PNPLA7: variants seen among roughly 807,000 people sequenced by gnomAD.
PNPLA7 encodes patatin like domain 7, lysophospholipase, also known as patatin-like phospholipase domain-containing protein 7.
A neutral mutation model predicts 161.7 loss-of-function variants in PNPLA7; 153 were observed. The observed-to-expected ratio is 0.95, with a 90% CI of 0.83 to 1.08. The LOEUF (loss-of-function observed/expected upper bound fraction) is 1.08, where lower values mean the gene tolerates loss of function less well. Among genes scored for constraint, PNPLA7 ranks in the 50% least tolerant of loss-of-function variants. The probability of loss-of-function intolerance (pLI) is 0.00; values close to 1 mark genes in which losing one functional copy is unlikely to be tolerated. For synonymous variants in PNPLA7, 809 were observed against 782.1 expected (o/e 1.03, Z -0.57); for missense variants, 1,739 against 1,856.6 (o/e 0.94, Z 1.16).
chr9:137,475,730 A>G (rs1365686207), intron 25 of PNPLA7, among the ~76,000 whole-genome samples: 1 of 151,284 alleles, frequency 6.6e-6, no homozygotes. Flanking sequence ...CAGAAGAAAA[A>G]ACGGCCCTGT....
At chr9:137,529,977 T>C (rs1334845042) in intron 8 of PNPLA7, among the ~76,000 whole-genome samples, 2 of 150,502 alleles carry the variant, frequency 1.3e-5, no homozygotes, top group African/African-American at 4.9e-5. Context: ...GAATTTTTTT[T>C]TTCCTGAGAT....
Position 137,543,335 on chromosome 9 carries a change from C to T in PNPLA7, c.506+97G>A. 1 of 1,494,032 alleles carries T rather than the reference C, an allele frequency of 6.7e-7. No homozygotes were observed. The highest frequency in any genetic ancestry group is 9.2e-7 in the Non-Finnish European group (1 of 1,085,006). The allele number at this position is 1,494,032 out of a possible 1,614,324, so 92.5% of individuals were successfully genotyped here. On this transcript the variant is annotated intron_variant, in intron 6 of 34. Transcript: ENST00000406427. This position sits in a 1 kb window ranked among gnomAD's most constrained non-coding sequence, Gnocchi z 6.9. ...CCCACGATGCGCTTTGCCAACCATT[C>T]CCCCAACACAAGACGGCCAAGCTGG... is the stretch of plus-strand genomic sequence containing the variant.
intron 12 of PNPLA7, among the ~76,000 whole-genome samples, chr9:137,513,207 T>C (rs1305841936): frequency 6.6e-6 from 1 of 152,016 alleles, no homozygotes. Context: ...AAATAGTCTT[T>C]GAGGCCGGGT....
chr9:137,476,205 G>A lies in PNPLA7; in HGVS notation c.2882+1829C>T, dbSNP rs1203227351. ...GGTATGTCCGAACATACCGAGAGGAGGTTAATGCCTGCCTCAGTGTCTTCG... is the reference window on the plus strand; with the variant it reads ...GGTATGTCCGAACATACCGAGAGGAAGTTAATGCCTGCCTCAGTGTCTTCG... On this transcript the variant is annotated intron_variant, in intron 25 of 34. Transcript: ENST00000406427. This position sits in a 1 kb window ranked among gnomAD's most constrained non-coding sequence, Gnocchi z 4.5. Among the ~76,000 whole-genome samples, 1 of 152,166 alleles carries A rather than the reference G, an allele frequency of 6.6e-6. No individual in the cohort carries two copies. The highest frequency in any genetic ancestry group is 1.5e-5 in the Non-Finnish European group (1 of 68,038).
intron 12 of PNPLA7, among the ~76,000 whole-genome samples, chr9:137,510,226 C>T (rs1029343937): frequency 6.6e-6 from 1 of 152,102 alleles, no homozygotes. Context: ...TTAGAGAAGA[C>T]TCTGCTCCTC....
At chr9:137,504,191 A>AGAAGAG (rs1226749534) in intron 14 of PNPLA7, among the ~76,000 whole-genome samples, 1 of 114,882 alleles carries the variant, frequency 8.7e-6, no homozygotes, top group Non-Finnish European at 1.8e-5. Flanking sequence ...AGAAGGAAGA[A>AGAAGAG]GAAGAGGAAG....
At chr9:137,465,903 C>T (rs1831440075) in intron 26 of PNPLA7, among the ~76,000 whole-genome samples, 1 of 152,180 alleles carries the variant, frequency 6.6e-6, no homozygotes, top group African/African-American at 2.4e-5. Context: ...GGCTGCCTCC[C>T]TCTGCTGCCC....
In PNPLA7 at chr9:137,543,133, A is replaced by C. The variant is rs1420421671; in HGVS notation, c.506+299T>G. Reference sequence around the variant, plus strand: ...CAGTCCAGGGGCCAGGCAGCAAGACAGGAGCACAGAGCAGAACCCAGGCTC... The same window carrying C: ...CAGTCCAGGGGCCAGGCAGCAAGACCGGAGCACAGAGCAGAACCCAGGCTC... On this transcript the variant is annotated intron_variant, in intron 6 of 34. Transcript: ENST00000406427. This position sits in a 1 kb window ranked among gnomAD's most constrained non-coding sequence, Gnocchi z 6.9. Among the ~76,000 whole-genome samples, 5 of 152,316 alleles carry C rather than the reference A, an allele frequency of 3.3e-5. No homozygotes were observed. The East Asian group carries it at 9.6e-4, about 29-fold the overall frequency.
intron 12 of PNPLA7, among the ~76,000 whole-genome samples, chr9:137,507,496 C>G (rs1564330953): frequency 6.6e-6 from 1 of 152,064 alleles, no homozygotes; most frequent in African/African-American, 2.4e-5. Context: ...ATGGAGAAAC[C>G]CTGTCTCCAC....
chr9:137,471,583 G>A lies in PNPLA7; in HGVS notation c.2883-4110C>T, dbSNP rs535062537. Among the ~76,000 whole-genome samples the A allele has an allele frequency of 1.0e-4, 14 of 138,484 alleles. 1 individual carries two copies. The highest frequency in any genetic ancestry group is 3.9e-4 in the African/African-American group (14 of 35,622). The allele number at this position is 138,484 out of a possible 152,430, so 90.9% of individuals were successfully genotyped here. On this transcript the variant is annotated intron_variant, in intron 25 of 34. Transcript: ENST00000406427. ...ACTGCACTCCAGCCTGGGTAACAGA[G>A]CAAGACTCCGTCTCAAAAAAAAAAA...
chr9:137,500,646 G>T lies in PNPLA7; in HGVS notation c.1757+45C>A. 6.3e-7 allele frequency: 1 copy of T among 1,577,028 alleles called. No homozygotes were observed. The highest frequency in any genetic ancestry group is 8.7e-7 in the Non-Finnish European group (1 of 1,153,340). Reference sequence around the variant, plus strand: ...CCACGCGGGGAGGGGTCTCAGGGCAGGGGGGGCTGGGGCCCGCCCTGAGGT... The same window carrying T: ...CCACGCGGGGAGGGGTCTCAGGGCATGGGGGGCTGGGGCCCGCCCTGAGGT... On this transcript the variant is annotated intron_variant, in intron 16 of 34. Transcript: ENST00000406427. The surrounding 1 kb of genome is among the most constrained non-coding windows in gnomAD (Gnocchi z 5.5).
chr9:137,495,963 G>A (rs1391120585), intron 18 of PNPLA7, among the ~76,000 whole-genome samples: 1 of 152,178 alleles, frequency 6.6e-6, no homozygotes, highest in Non-Finnish European at 1.5e-5. Flanking sequence ...TGGCAGAGCT[G>A]AGGCGAGGCG....
Position 137,541,477 on chromosome 9 carries a change from C to T in PNPLA7, c.667-755G>A, listed in dbSNP as rs561318392. 1.1e-5 allele frequency: 11 copies of T among 985,464 alleles called. No homozygotes were observed. The highest frequency in any genetic ancestry group is 1.1e-4 in the East Asian group (1 of 8,818). The allele number at this position is 985,464 out of a possible 1,614,324, so 61.0% of individuals were successfully genotyped here. A position where few individuals can be genotyped will look rare whatever the true frequency, so the allele number is the denominator to read the frequency against. The stretch of plus-strand genomic sequence containing the variant: ...GTCTAGAAACCCCGACAGGCAGTGC[C>T]GGAGCTGGCGTGGGATCACAGCCCA... On this transcript the variant is annotated intron_variant, in intron 7 of 34. Coordinates refer to ENST00000406427, the MANE Select transcript of PNPLA7 (RefSeq NM_001098537.3). The surrounding 1 kb of genome is among the most constrained non-coding windows in gnomAD (Gnocchi z 4.4).
intron 11 of PNPLA7, among the ~76,000 whole-genome samples, chr9:137,519,662 A>ATGTGAGGTGACCTGGGGCACG (rs1175535623): frequency 7.1e-6 from 1 of 141,180 alleles, no homozygotes; most frequent in Non-Finnish European, 1.5e-5. Flanking sequence ...CCTGGGGGGC[A>ATGTGAGGTGACCTGGGGCACG]TGTGAGGTGA....
At chr9:137,506,170 T>C in intron 12 of PNPLA7, 87 bp from the exon 13 acceptor site, 1 of 1,123,768 alleles carries the variant, frequency 8.9e-7, no homozygotes, top group Non-Finnish European at 1.3e-6. Flanking sequence ...CCCTGCAGTC[T>C]AACCACACAG....
Position 137,544,105 on chromosome 9 carries a change from C to T in PNPLA7, c.274-290G>A, listed in dbSNP as rs374068359. Among the ~76,000 whole-genome samples, 57 of 152,332 alleles carry T rather than the reference C, an allele frequency of 3.7e-4. No homozygotes were observed. In the East Asian group the frequency reaches 9.5e-3, roughly 25 times the overall value. On this transcript the variant is annotated intron_variant, in intron 4 of 34. Coordinates refer to ENST00000406427, the MANE Select transcript of PNPLA7 (RefSeq NM_001098537.3). ...CCCCGCTGCCCCGAAGGCTGACACC[C>T]GCTCCATCTTTGGCTCTCATACTGG...
intron 14 of PNPLA7, among the ~76,000 whole-genome samples, chr9:137,504,551 G>C (rs766786361): frequency 6.6e-6 from 1 of 152,222 alleles, no homozygotes; most frequent in Non-Finnish European, 1.5e-5. Flanking sequence ...CCACTGCAGT[G>C]TATGGCCCTT....
chr9:137,463,188 A>G, intron 29 of PNPLA7: 2 of 592,050 alleles, frequency 3.4e-6, no homozygotes, highest in Non-Finnish European at 6.0e-6. Context: ...GCTGACAAAC[A>G]GGGCCATATG....
chr9:137,463,510 C>T lies in PNPLA7; in HGVS notation c.3248G>A (p.Arg1083His), dbSNP rs553960639. Reference sequence around the variant, plus strand: ...GTAACCGGACAGGGACATGCTGGCACGCACGTACCACCACAGGGAGCCTGG... The same window carrying T: ...GTAACCGGACAGGGACATGCTGGCATGCACGTACCACCACAGGGAGCCTGG... ...HTDGSLWWYV[R>H]ASMSLSGYMP... The change falls in exon 29 of 35, where the codon CGT becomes CAT. Residue 1083 changes from arginine (R) to histidine (H), a missense_variant. Transcript: ENST00000406427. The T allele has an allele frequency of 1.9e-4, 308 of 1,585,612 alleles. 4 individuals are homozygous for T. The highest frequency in any genetic ancestry group is 4.1e-4 in the East Asian group (18 of 43,644).
Sources: gnomAD v4.1 joint callset for allele counts (sites outside exome capture counted in the v4.1 genomes callset) on GRCh38, gnomAD v4.1.1 for gene constraint, Gnocchi (gnomAD v3.1) non-coding constraint, MANE v1.5 for transcripts, NCBI Gene and HGNC (gene_info 2026-07-23, HGNC 2026-07-21) for gene names.